The following COL5A2 variants were observed in gnomAD, a reference collection of about 807,000 sequenced individuals.
COL5A2 encodes the protein collagen alpha-2(V) chain.
Under a neutral mutation model 208.2 loss-of-function variants are expected in COL5A2, and 23 were observed. That is an observed-to-expected ratio of 0.11 (90% CI 0.08 to 0.16). The LOEUF is 0.16. Among genes scored for constraint, COL5A2 ranks in the 10% least tolerant of loss-of-function variants. The probability of loss-of-function intolerance (pLI) is 1.00; values close to 1 mark genes in which losing one functional copy is unlikely to be tolerated. For missense variants in COL5A2, 1,590 were observed against 1,956.4 expected (o/e 0.81, Z 3.53); for synonymous variants, 625 against 628.5 (o/e 0.99, Z 0.08).
chr2:189,415,246 T>C, the COL5A2 span, among the ~76,000 whole-genome samples: 8 of 152,328 alleles, frequency 5.3e-5, no homozygotes, highest in South Asian at 1.7e-3. Context: ...TAACTTCAGT[T>C]ATTTAGGGTA....
At chr2:189,380,573 A>C in the COL5A2 span, among the ~76,000 whole-genome samples, 2 of 151,488 alleles carry the variant, frequency 1.3e-5, no homozygotes, top group African/African-American at 4.8e-5. Context: ...CAAATAAGTA[A>C]TTAATATAGA....
chr2:189,154,518 T>C (rs916730628), intron 1 of COL5A2, among the ~76,000 whole-genome samples: 1 of 152,200 alleles, frequency 6.6e-6, no homozygotes, highest in African/African-American at 2.4e-5. Context: ...GTCCCCAGCA[T>C]AGCAGAATCT....
the COL5A2 span, among the ~76,000 whole-genome samples, chr2:189,401,443 A>G: frequency 2.4e-4 from 37 of 152,116 alleles, no homozygotes; most frequent in East Asian, 7.1e-3. Context: ...TATGTACTAC[A>G]TTTTCTTTAT....
chr2:189,086,298 T>C (rs938455636), intron 9 of COL5A2, among the ~76,000 whole-genome samples: 2 of 152,236 alleles, frequency 1.3e-5, no homozygotes, highest in Non-Finnish European at 2.9e-5. Flanking sequence ...TAAAAGCATA[T>C]TGTATTATAT....
chr2:189,083,936 A>G (rs1371235886), intron 12 of COL5A2, 48 bp downstream of exon 12: 2 of 1,340,802 alleles, frequency 1.5e-6, no homozygotes, highest in Admixed American at 1.7e-5. Flanking sequence ...ATTTAATTCA[A>G]TGTTCTTTAT....
At chr2:189,406,525 T>A in the COL5A2 span, among the ~76,000 whole-genome samples, 1 of 152,148 alleles carries the variant, frequency 6.6e-6, no homozygotes, top group Admixed American at 6.5e-5. Context: ...TAAAATCAAG[T>A]TCTTCTCCCT....
intron 1 of COL5A2, among the ~76,000 whole-genome samples, chr2:189,191,869 A>G (rs1688936329): frequency 6.6e-6 from 1 of 151,934 alleles, no homozygotes; most frequent in South Asian, 2.1e-4. Flanking sequence ...CATCAATAAT[A>G]TCCCCACATC....
At chr2:189,039,887 T>C (rs1323771681) in intron 50 of COL5A2, among the ~76,000 whole-genome samples, 1 of 152,172 alleles carries the variant, frequency 6.6e-6, no homozygotes, top group Non-Finnish European at 1.5e-5. Flanking sequence ...CAGATATGTA[T>C]GTTCATTTGC....
chr2:189,231,939 A>ACACAGCAAGAGAGGT, the COL5A2 span, among the ~76,000 whole-genome samples: 1 of 151,778 alleles, frequency 6.6e-6, no homozygotes, highest in East Asian at 1.9e-4. Context: ...TCAGAGGGTG[A>ACACAGCAAGAGAGGT]CACAGCAAGA....
At chr2:189,333,583 A>G in the COL5A2 span, among the ~76,000 whole-genome samples, 1 of 152,128 alleles carries the variant, frequency 6.6e-6, no homozygotes, top group Admixed American at 6.5e-5. Flanking sequence ...CCAGTACCTC[A>G]AAATGTAACT....
the COL5A2 span, among the ~76,000 whole-genome samples, chr2:189,432,667 C>T: frequency 6.6e-6 from 1 of 152,090 alleles, no homozygotes; most frequent in African/African-American, 2.4e-5. Context: ...ACAGGAGCAC[C>T]CAGATTCATA....
the COL5A2 span, among the ~76,000 whole-genome samples, chr2:189,346,027 T>G: frequency 6.6e-6 from 1 of 152,330 alleles, no homozygotes; most frequent in African/African-American, 2.4e-5. Context: ...CCAACTTAAG[T>G]TCATCAGCAT....
intron 1 of COL5A2, among the ~76,000 whole-genome samples, chr2:189,120,596 T>A (rs982532955): frequency 8.5e-5 from 13 of 152,208 alleles, no homozygotes; most frequent in African/African-American, 3.1e-4. Flanking sequence ...CATTCACTTA[T>A]GAGTATATCA....
At chr2:189,087,157 T>C (rs1034339668) in intron 8 of COL5A2, among the ~76,000 whole-genome samples, 3 of 150,084 alleles carry the variant, frequency 2.0e-5, no homozygotes, top group African/African-American at 7.3e-5. Flanking sequence ...TCACAGCAGA[T>C]AATTCTTATA....
At chr2:189,391,654 T>C in the COL5A2 span, among the ~76,000 whole-genome samples, 1 of 152,142 alleles carries the variant, frequency 6.6e-6, no homozygotes, top group Non-Finnish European at 1.5e-5. Context: ...TTTCTCCTTC[T>C]ATTAGAAGGA....
chr2:189,185,740 G>C (rs1200269767), intron 1 of COL5A2, among the ~76,000 whole-genome samples: 1 of 152,184 alleles, frequency 6.6e-6, no homozygotes, highest in African/African-American at 2.4e-5. Flanking sequence ...TAAAGGCATT[G>C]TTGGGTCATT....
intron 13 of COL5A2, among the ~76,000 whole-genome samples, chr2:189,080,492 A>G (rs1358652748): frequency 1.3e-5 from 2 of 150,142 alleles, no homozygotes; most frequent in East Asian, 3.9e-4. Context: ...ATTTGATATT[A>G]TGATAGTTAG....
the COL5A2 span, among the ~76,000 whole-genome samples, chr2:189,349,552 T>C: frequency 2.0e-5 from 3 of 152,292 alleles, no homozygotes; most frequent in African/African-American, 4.8e-5. Context: ...TTGATGGTGA[T>C]GGTTTATAAG....
At chr2:189,397,242 C>T in the COL5A2 span, among the ~76,000 whole-genome samples, 1 of 152,132 alleles carries the variant, frequency 6.6e-6, no homozygotes, top group African/African-American at 2.4e-5. Context: ...TAACAGTTCT[C>T]TTCTTTTTTA....
Sources: gnomAD v4.1 joint callset for allele counts (sites outside exome capture counted in the v4.1 genomes callset) on GRCh38, gnomAD v4.1.1 for gene constraint, MANE v1.5 for transcripts, NCBI Gene and HGNC (gene_info 2026-07-23, HGNC 2026-07-21) for gene names.